Variants in TRPC4AP observed in about 807,000 individuals in gnomAD.
TRPC4AP encodes the protein short transient receptor potential channel 4-associated protein.
TRPC4AP carries 45 observed loss-of-function variants against 99.0 expected under a neutral mutation model. The observed-to-expected ratio is 0.45, with a 90% CI of 0.36 to 0.58. TRPC4AP has a LOEUF of 0.58. TRPC4AP is among the 20% of genes least tolerant of loss of function. The probability of loss-of-function intolerance (pLI) is 0.00; values close to 1 mark genes in which losing one functional copy is unlikely to be tolerated. For synonymous variants in TRPC4AP, 408 were observed against 385.8 expected (o/e 1.06, Z -0.67); for missense variants, 879 against 985.3 (o/e 0.89, Z 1.44).
At chr20:35,060,584 C>CGAAAAAAAAAAA (rs1569133058) in intron 3 of TRPC4AP, among the ~76,000 whole-genome samples, 1 of 45,868 alleles carries the variant, frequency 2.2e-5, no homozygotes. Flanking sequence ...GACCTTGTCT[C>CGAAAAAAAAAAA]CAAAAAAAAA....
At chr20:35,078,291 A>C in intron 1 of TRPC4AP, 117 bp from the exon 2 acceptor site, 2 of 1,045,472 alleles carry the variant, frequency 1.9e-6, no homozygotes, top group Non-Finnish European at 2.7e-6. Flanking sequence ...TTTATCTCTA[A>C]GCACTACTAT....
chr20:35,032,651 T>C (rs1320160458), intron 8 of TRPC4AP, among the ~76,000 whole-genome samples: 1 of 151,648 alleles, frequency 6.6e-6, no homozygotes, highest in Non-Finnish European at 1.5e-5. Context: ...TTTTTGTATT[T>C]TTAGTAGAGA....
intron 8 of TRPC4AP, among the ~76,000 whole-genome samples, chr20:35,032,223 C>T (rs6058161): frequency 0.4 from 59,997 of 151,696 alleles, 12,972 homozygotes; most frequent in East Asian, 0.58. Flanking sequence ...TGGGGTTTTG[C>T]CATGTTGGCC....
chr20:35,065,111 T>C (rs1233849634), intron 3 of TRPC4AP, among the ~76,000 whole-genome samples: 1 of 152,194 alleles, frequency 6.6e-6, no homozygotes, highest in Non-Finnish European at 1.5e-5. Context: ...GTATTTAAAA[T>C]AAATTAACTT....
rs926204234 is a variant in TRPC4AP at position 35,010,120 on chromosome 20, C to T, written c.1511+67G>A. On this transcript the variant is annotated intron_variant, in intron 12 of 18. Transcript: ENST00000252015. Reference sequence around the variant, plus strand: ...CGCGTGCATACCTGGATGTGCTCACCGGTGAGCCCCCGGGGAACGTGGGCA... The same window carrying T: ...CGCGTGCATACCTGGATGTGCTCACTGGTGAGCCCCCGGGGAACGTGGGCA... 94 of 1,383,046 alleles carry T rather than the reference C, an allele frequency of 6.8e-5. 1 individual carries two copies. In the African/African-American group the frequency reaches 9.1e-4, roughly 13 times the overall value. The allele number at this position is 1,383,046 out of a possible 1,614,324, so 85.7% of individuals were successfully genotyped here.
intron 8 of TRPC4AP, among the ~76,000 whole-genome samples, chr20:35,024,854 A>AAAACAAAAAAAAAACAT (rs1479270980): frequency 2.2e-5 from 2 of 89,480 alleles, no homozygotes; most frequent in Non-Finnish European, 4.6e-5. Flanking sequence ...AAAAAAAAAA[A>AAAACAAAAAAAAAACAT]ATTCTGTTTA....
At chr20:35,017,266 T>C (rs1186740386) in intron 9 of TRPC4AP, among the ~76,000 whole-genome samples, 1 of 152,180 alleles carries the variant, frequency 6.6e-6, no homozygotes, top group Non-Finnish European at 1.5e-5. Flanking sequence ...GCTGTATTAC[T>C]GATTGTGTAA....
chr20:35,031,616 T>A (rs903450886), intron 8 of TRPC4AP, among the ~76,000 whole-genome samples: 1 of 151,998 alleles, frequency 6.6e-6, no homozygotes, highest in Admixed American at 6.6e-5. Context: ...AATGTGTGCA[T>A]TAATGATTTA....
intron 8 of TRPC4AP, among the ~76,000 whole-genome samples, chr20:35,032,967 C>T (rs2147331086): frequency 6.6e-6 from 1 of 152,126 alleles, no homozygotes; most frequent in African/African-American, 2.4e-5. Flanking sequence ...CTTTGGGAGG[C>T]CAAGGTGGGT....
intron 5 of TRPC4AP, among the ~76,000 whole-genome samples, chr20:35,051,370 C>G (rs905398430): frequency 1.3e-5 from 2 of 152,024 alleles, no homozygotes; most frequent in African/African-American, 4.8e-5. Context: ...TTCACAAGTA[C>G]GAATATAGCT....
chr20:35,070,116 G>C (rs1168884419), intron 2 of TRPC4AP, among the ~76,000 whole-genome samples: 1 of 152,090 alleles, frequency 6.6e-6, no homozygotes, highest in Non-Finnish European at 1.5e-5. Context: ...ATGTGAGAGA[G>C]ACCATTTTGG....
intron 9 of TRPC4AP, among the ~76,000 whole-genome samples, chr20:35,017,528 A>G (rs2082783026): frequency 6.6e-6 from 1 of 152,266 alleles, no homozygotes; most frequent in African/African-American, 2.4e-5. Context: ...GGATCGAGTC[A>G]GAAAGCAGAT....
intron 2 of TRPC4AP, among the ~76,000 whole-genome samples, chr20:35,075,381 T>C (rs1054783212): frequency 1.3e-5 from 2 of 152,218 alleles, no homozygotes; most frequent in African/African-American, 4.8e-5. Context: ...GGCATGTTTT[T>C]GCAGTAGTTG....
At chr20:35,068,122 G>A (rs963893263) in intron 3 of TRPC4AP, among the ~76,000 whole-genome samples, 1 of 152,108 alleles carries the variant, frequency 6.6e-6, no homozygotes, top group African/African-American at 2.4e-5. Flanking sequence ...GGGCTTCTGG[G>A]TACTGGTAAT....
chr20:35,019,196 C>T (rs569872365), intron 9 of TRPC4AP, among the ~76,000 whole-genome samples: 309 of 152,300 alleles, frequency 2.0e-3, no homozygotes, highest in Non-Finnish European at 3.6e-3. Context: ...TCTGGGAATC[C>T]AGATCCTCAC....
intron 5 of TRPC4AP, among the ~76,000 whole-genome samples, chr20:35,052,271 T>C (rs2083721954): frequency 6.6e-6 from 1 of 151,994 alleles, no homozygotes; most frequent in African/African-American, 2.4e-5. Context: ...GCCAGTTTTT[T>C]ATTTTTTGTA....
intron 2 of TRPC4AP, among the ~76,000 whole-genome samples, chr20:35,076,520 G>A (rs1295834302): frequency 6.6e-6 from 1 of 152,194 alleles, no homozygotes; most frequent in African/African-American, 2.4e-5. Flanking sequence ...AGAGTTTGCT[G>A]GAGGTCCACT....
At chr20:35,062,830 T>C (rs1029841887) in intron 3 of TRPC4AP, among the ~76,000 whole-genome samples, 2 of 152,238 alleles carry the variant, frequency 1.3e-5, no homozygotes, top group African/African-American at 4.8e-5. Context: ...TAATATATCT[T>C]TTAAATGGGT....
chr20:35,059,462 C>A (rs1336706538), intron 3 of TRPC4AP, among the ~76,000 whole-genome samples: 2 of 152,094 alleles, frequency 1.3e-5, no homozygotes, highest in Admixed American at 1.3e-4. Flanking sequence ...AAGATTGAGA[C>A]CACCCTGGCC....
Sources: allele counts gnomAD v4.1 joint callset (sites outside exome capture counted in the v4.1 genomes callset), GRCh38; gene constraint gnomAD v4.1.1; transcripts MANE v1.5; gene names NCBI Gene and HGNC (gene_info 2026-07-23, HGNC 2026-07-21).